AVEN: variants seen among roughly 807,000 people sequenced by gnomAD.
AVEN encodes cell death regulator Aven.
AVEN carries 41 observed loss-of-function variants against 38.1 expected under a neutral mutation model. The observed-to-expected ratio is 1.08, with a 90% CI of 0.84 to 1.40. The LOEUF (loss-of-function observed/expected upper bound fraction) is 1.40, where lower values mean the gene tolerates loss of function less well. Ranked by LOEUF, AVEN falls within the 40% of genes most tolerant of loss-of-function variation. The pLI, the probability that AVEN is intolerant of heterozygous loss-of-function variation, is 0.00. For synonymous variants in AVEN, 206 were observed against 171.8 expected, an observed-to-expected ratio of 1.20 and a Z score of -1.56; for missense variants, 605 against 438.8, an observed-to-expected ratio of 1.38 and a Z score of -3.38.
chr15:33,867,413 G>T, intron 5 of AVEN, 82 bp downstream of exon 5: 1 of 1,488,072 alleles, frequency 6.7e-7, no homozygotes, highest in East Asian at 2.3e-5. Flanking sequence ...CCAGAGGGAT[G>T]TGTGCGGATG....
chr15:34,063,882 G>A lies in AVEN; in HGVS notation n.1127-450C>T, dbSNP rs147203083. On this transcript the variant is annotated intron_variant and non_coding_transcript_variant, in intron 4 of 11. Transcript: ENST00000675287. The surrounding 1 kb of genome is among the most constrained non-coding windows in gnomAD (Gnocchi z 4.1). ...GTTCCGATTGGTGGTAAAAGCTGACGGGAACCAGGAGACCAACAATGGCTG... is the reference window on the plus strand; with the variant it reads ...GTTCCGATTGGTGGTAAAAGCTGACAGGAACCAGGAGACCAACAATGGCTG... 2.7e-4 allele frequency: 438 copies of A among 1,614,046 alleles called. No individual in the cohort carries two copies. Among genetic ancestry groups the A allele is most frequent in the Non-Finnish European group, 3.4e-4 (396 of 1,180,040 alleles).
chr15:33,931,605 C>T lies in AVEN; in HGVS notation c.446-55610G>A, dbSNP rs1035088699. ...CAGGATGGTCTTGATCTCCTGACCTCGTGATCTGCCCGCCTCGGCCTCCCA... is the reference window on the plus strand; with the variant it reads ...CAGGATGGTCTTGATCTCCTGACCTTGTGATCTGCCCGCCTCGGCCTCCCA... On this transcript the variant is annotated intron_variant, in intron 2 of 5. Coordinates refer to ENST00000306730, the MANE Select transcript of AVEN (RefSeq NM_020371.3). 5.9e-5 allele frequency among the ~76,000 whole-genome samples: 9 copies of T among 152,040 alleles called. No individual in the cohort carries two copies. In the East Asian group the frequency reaches 1.7e-3, roughly 29 times the overall value.
At chr15:33,861,253 T>C, downstream of AVEN, 1 of 1,108,268 alleles carries the variant, frequency 9.0e-7, no homozygotes. Context: ...TAGTTCAGTC[T>C]CTGCTGGAAA....
At chr15:34,038,667 G>A (rs1485193370) in intron 1 of AVEN, 113 bp downstream of exon 1, 26 of 1,019,780 alleles carry the variant, frequency 2.5e-5, no homozygotes, top group South Asian at 1.9e-4. Flanking sequence ...CGCCGGCGCC[G>A]CCGCCCGTCT....
intron 4 of AVEN, chr15:34,064,264 A>G (rs748922643): frequency 1.2e-6 from 2 of 1,614,004 alleles, no homozygotes; most frequent in African/African-American, 1.3e-5. Context: ...CGATGGAAAA[A>G]GAAAAAAGTG....
chr15:34,061,090 T>C (rs1357126723), intron 5 of AVEN, among the ~76,000 whole-genome samples: 1 of 151,958 alleles, frequency 6.6e-6, no homozygotes, highest in Non-Finnish European at 1.5e-5. Context: ...TTATATATCA[T>C]CAAATTTATG....
intron 1 of AVEN, among the ~76,000 whole-genome samples, chr15:34,073,892 T>C (rs1156474513): frequency 6.6e-6 from 1 of 152,046 alleles, no homozygotes; most frequent in Admixed American, 6.5e-5. Flanking sequence ...GTCTGTTACA[T>C]GCACCCAGTA....
chr15:33,879,408 G>C (rs1209887313), intron 2 of AVEN, among the ~76,000 whole-genome samples: 3 of 117,082 alleles, frequency 2.6e-5, no homozygotes, highest in South Asian at 3.7e-4. Context: ...GTTGTGGGGT[G>C]GGGGGAGGGG....
At chr15:33,926,001 T>C (rs1163935544) in intron 2 of AVEN, among the ~76,000 whole-genome samples, 1 of 152,216 alleles carries the variant, frequency 6.6e-6, no homozygotes, top group Non-Finnish European at 1.5e-5. Flanking sequence ...CAACCATGTA[T>C]GTGCTGTTTT....
At chr15:33,920,722 A>G (rs1893360679) in intron 2 of AVEN, among the ~76,000 whole-genome samples, 1 of 152,210 alleles carries the variant, frequency 6.6e-6, no homozygotes, top group African/African-American at 2.4e-5. Context: ...GCACAGTGGC[A>G]AGTACATAAA....
chr15:34,041,667 GTTT>G (rs752344845), upstream of AVEN, among the ~76,000 whole-genome samples: 1 of 152,096 alleles, frequency 6.6e-6, no homozygotes. Context: ...ATGATGCCAA[GTTT>G]TTTTAACACT....
In AVEN at chr15:34,038,910, T is replaced by TCCCCGCCGCCGCCTCCGC; in HGVS notation, c.119_136dup (p.Gly40_Gly45dup). ...GCCACGGCCCCGGCGTCCGCCTCCG[T>TCCCCGCCGCCGCCTCCGC]CCCCGCCGCCGCCTCCGCCGCCGCC... On this transcript the variant is annotated inframe_insertion, in exon 1 of 6. Coordinates refer to ENST00000306730, the MANE Select transcript of AVEN (RefSeq NM_020371.3). 1 of 1,106,846 alleles carries TCCCCGCCGCCGCCTCCGC rather than the reference T, an allele frequency of 9.0e-7. No individual in the cohort carries two copies. 68.6% of individuals were successfully genotyped at this position (1,106,846 alleles called of 1,614,324 possible).
rs114858651 is a variant in AVEN, at chr15:34,050,980, T to A, written n.1637+11942A>T. ...TAACAATGATATTCAGGACCTGAACTCAGTTCTGAATCAAGTGGACCTGAT... is the reference window on the plus strand; with the variant it reads ...TAACAATGATATTCAGGACCTGAACACAGTTCTGAATCAAGTGGACCTGAT... On this transcript the variant is annotated intron_variant and non_coding_transcript_variant, in intron 5 of 11. Coordinates refer to the AVEN transcript ENST00000675287. Among the ~76,000 whole-genome samples, 1,253 of 152,270 alleles carry A rather than the reference T, an allele frequency of 8.2e-3. 25 individuals are homozygous for A. Among genetic ancestry groups the A allele is most frequent in the African/African-American group, 0.029 (1,196 of 41,532 alleles).
chr15:33,994,752 G>A (rs1174781359), intron 2 of AVEN, among the ~76,000 whole-genome samples: 1 of 152,072 alleles, frequency 6.6e-6, no homozygotes, highest in Non-Finnish European at 1.5e-5. Flanking sequence ...TCTACTTAGA[G>A]AATATATGTT....
intron 2 of AVEN, among the ~76,000 whole-genome samples, chr15:33,994,220 A>T (rs1000283140): frequency 1.3e-5 from 2 of 152,206 alleles, no homozygotes; most frequent in Non-Finnish European, 2.9e-5. Context: ...CTCCTGTCAG[A>T]TCAGCAGCAG....
intron 2 of AVEN, among the ~76,000 whole-genome samples, chr15:34,002,143 C>T (rs940298000): frequency 6.6e-6 from 1 of 152,144 alleles, no homozygotes; most frequent in Non-Finnish European, 1.5e-5. Context: ...GAAACTGATA[C>T]AATCTGCCAA....
At chr15:33,968,943 A>C (rs1895507560) in intron 2 of AVEN, 1 of 152,092 alleles carries the variant, frequency 6.6e-6, no homozygotes, top group Admixed American at 6.6e-5. Context: ...TGGTTCTATA[A>C]TCCTATCCAA....
rs779801791 is a variant in AVEN, at chr15:34,015,453, G to A, written c.268-12244C>T. ...GCCGAGATCGCACCACTGCACTCCA[G>A]CCTGGGTGACAGAGCGAGACTCCAT... On this transcript the variant is annotated intron_variant, in intron 1 of 5. Transcript: ENST00000306730. Among the ~76,000 whole-genome samples the A allele has an allele frequency of 7.1e-4, 108 of 152,086 alleles. 1 individual carries two copies. Among genetic ancestry groups the A allele is most frequent in the Non-Finnish European group, 1.1e-3 (74 of 68,000 alleles).
intron 2 of AVEN, among the ~76,000 whole-genome samples, chr15:33,879,480 C>G (rs1210124918): frequency 6.6e-6 from 1 of 151,426 alleles, no homozygotes; most frequent in Non-Finnish European, 1.5e-5. Flanking sequence ...TGCAGCACAC[C>G]AGCATGGCAC....
Sources: allele counts gnomAD v4.1 joint callset (sites outside exome capture counted in the v4.1 genomes callset), GRCh38; gene constraint gnomAD v4.1.1; non-coding constraint Gnocchi (gnomAD v3.1); transcripts MANE v1.5; gene names NCBI Gene and HGNC (gene_info 2026-07-23, HGNC 2026-07-21).